HAPLN4: variants seen among roughly 807,000 people sequenced by gnomAD.
The protein encoded by HAPLN4 is hyaluronan and proteoglycan link protein 4.
Under a neutral mutation model 28.0 loss-of-function variants are expected in HAPLN4, and 19 were observed. That is an observed-to-expected ratio of 0.68 (90% confidence interval 0.47 to 1.00). HAPLN4 has a LOEUF of 1.00. Ranked by LOEUF, HAPLN4 falls within the 50% of genes least tolerant of loss-of-function variation. HAPLN4 has a pLI of 0.00. For missense variants in HAPLN4, 587 were observed against 602.6 expected (o/e 0.97, Z 0.27); for synonymous variants, 274 against 273.0 (o/e 1.00, Z -0.03).
chr19:19,260,193 A>G (rs2060978398), intron 3 of HAPLN4, among the ~76,000 whole-genome samples: 3 of 152,144 alleles, frequency 2.0e-5, no homozygotes, highest in South Asian at 4.2e-4. Context: ...GGACTGGATC[A>G]CTTTTATTTT....
At chr19:19,260,713 T>G in intron 3 of HAPLN4, 100 bp downstream of exon 3, 5 of 1,460,552 alleles carry the variant, frequency 3.4e-6, no homozygotes, top group Non-Finnish European at 4.7e-6. Context: ...ACCAACCTTC[T>G]AAATGCCTGC....
At chr19:19,262,668 G>C in intron 1 of HAPLN4, 62 bp downstream of exon 1, 3 of 1,570,590 alleles carry the variant, frequency 1.9e-6, no homozygotes, top group Non-Finnish European at 2.6e-6. Flanking sequence ...GAGGCAGAGA[G>C]ATATAGAATC....
In HAPLN4 at chr19:19,256,290, G is replaced by A. The variant is rs1374821632; in HGVS notation, c.*1527C>T. The A allele has an allele frequency of 2.0e-5, 3 of 152,416 alleles. No individual in the cohort carries two copies. Among genetic ancestry groups the A allele is most frequent in the Admixed American group, 6.5e-5 (1 of 15,284 alleles). The allele number at this position is 152,416 out of a possible 1,614,324, so 9.4% of individuals were successfully genotyped here. A position where few individuals can be genotyped will look rare whatever the true frequency, so the allele number is the denominator to read the frequency against. ...AGCTGCTATCCGGCATAGAGTTAAC[G>A]TGCAAACGGAGGGTGGCTTAGCAGC... On this transcript the variant is annotated 3_prime_UTR_variant, in exon 5 of 5. Coordinates refer to ENST00000291481, the MANE Select transcript of HAPLN4 (RefSeq NM_023002.3).
intron 1 of HAPLN4, among the ~76,000 whole-genome samples, 162 bp downstream of exon 1, chr19:19,262,568 G>C (rs1422464242): frequency 1.3e-5 from 2 of 152,074 alleles, no homozygotes; most frequent in Admixed American, 1.3e-4. Flanking sequence ...TGGAGAGGGA[G>C]AGAACCTAGA....
Position 19,255,699 on chromosome 19 carries a change from T to A in HAPLN4, c.*2118A>T, listed in dbSNP as rs2146567639. On this transcript the variant is annotated 3_prime_UTR_variant, in exon 5 of 5. Transcript: ENST00000291481. ...TGAGCCCCTACTGTATGCTTGGCAC[T>A]CACGGGGACCACAGAACAGCCCTGG... is the stretch of plus-strand genomic sequence containing the variant. 1 of 152,358 alleles carries A rather than the reference T, an allele frequency of 6.6e-6. No homozygotes were observed. Among genetic ancestry groups the A allele is most frequent in the Middle Eastern group, 3.4e-3 (1 of 294 alleles). The allele number at this position is 152,358 out of a possible 1,614,324, so 9.4% of individuals were successfully genotyped here.
In HAPLN4 at chr19:19,261,042, C is replaced by A. The variant is rs1374773629; in HGVS notation, c.255G>T (p.Lys85Asn). The A allele has an allele frequency of 7.4e-6, 12 of 1,613,366 alleles. No individual in the cohort carries two copies. Among genetic ancestry groups the A allele is most frequent in the Non-Finnish European group, 1.0e-5 (12 of 1,180,020 alleles). ...CCAGCGGGTCCACCACCTTTGTCCA[C>A]TTGAGCCGGACGCCGTCGTGACCGT... ...AAHGHDGVRL[K>N]WTKVVDPLAF... Residue 85 changes from lysine (K) to asparagine (N), a missense_variant, in exon 3 of 5, where the codon AAG (lysine) becomes AAT (asparagine). By Grantham distance (94) the Lys-to-Asn change is moderately conservative. Coordinates refer to ENST00000291481, the MANE Select transcript of HAPLN4 (RefSeq NM_023002.3).
In HAPLN4 at chr19:19,258,317, C is replaced by G. The variant is rs973050150; in HGVS notation, c.818-109G>C. 1.6e-6 allele frequency: 2 copies of G among 1,264,780 alleles called. No individual in the cohort carries two copies. Among genetic ancestry groups the G allele is most frequent in the Non-Finnish European group, 1.1e-6 (1 of 941,846 alleles). 78.3% of individuals were successfully genotyped at this position (1,264,780 alleles called of 1,614,324 possible). A position where few individuals can be genotyped will look rare whatever the true frequency, so the allele number is the denominator to read the frequency against. Reference sequence around the variant, plus strand: ...CAGCCTAGGACTCTGGCCTCGGCCCCGGGATCCAGGAACAGTTCCTCCTTT... The same window carrying G: ...CAGCCTAGGACTCTGGCCTCGGCCCGGGGATCCAGGAACAGTTCCTCCTTT... On this transcript the variant is annotated intron_variant, in intron 4 of 4. Coordinates refer to ENST00000291481, the MANE Select transcript of HAPLN4 (RefSeq NM_023002.3). The surrounding 1 kb of genome is among the most constrained non-coding windows in gnomAD (Gnocchi z 6.2).
rs1442734848 is a variant in HAPLN4 at position 19,258,718 on chromosome 19, A to G, written c.622T>C (p.Trp208Arg). The G allele has an allele frequency of 6.2e-7, 1 of 1,605,154 alleles. No homozygotes were observed. Residue 208 changes from tryptophan to arginine, a missense_variant, in exon 4 of 5, where the codon TGG becomes CGG. By Grantham distance (101) the Trp-to-Arg change is moderately radical. Transcript: ENST00000291481. The surrounding 1 kb of genome is among the most constrained non-coding windows in gnomAD (Gnocchi z 6.2). Reference sequence around the variant, plus strand: ...TCGCGCAACCAGCCCGCGTTGCACCAGTCCAGGCCGTCGCGCCAGGCCGCG... The same window carrying G: ...TCGCGCAACCAGCCCGCGTTGCACCGGTCCAGGCCGTCGCGCCAGGCCGCG... ...LHAAWRDGLDWCNAGWLRDGS... is the reference protein window; with the variant it reads ...LHAAWRDGLDRCNAGWLRDGS...
intron 3 of HAPLN4, among the ~76,000 whole-genome samples, chr19:19,260,470 A>G (rs2060979210): frequency 1.3e-5 from 2 of 151,740 alleles, no homozygotes; most frequent in Middle Eastern, 3.4e-3. Flanking sequence ...GCCTGCCTCA[A>G]CCTCCCAAAG....
rs759131539 is a variant in HAPLN4 at position 19,261,160 on chromosome 19, G to A, written c.137C>T (p.Ser46Leu). ...CCCAGGCGCTGTCTGTACCACTACC[G>A]AGCCCGACTCACCCTCTGAGGACAA... Reference protein sequence around the residue: ...VVHVLEGESGSVVVQTAPGQV... With the variant: ...VVHVLEGESGLVVVQTAPGQV... The change falls in exon 3 of 5, where the codon TCG becomes TTG. Residue 46 changes from serine to leucine, a missense_variant. By Grantham distance (145) the Ser-to-Leu change is moderately radical. Transcript: ENST00000291481. 41 of 1,598,202 alleles carry A rather than the reference G, an allele frequency of 2.6e-5. No homozygotes were observed. Among genetic ancestry groups the A allele is most frequent in the Non-Finnish European group, 1.1e-5 (13 of 1,169,698 alleles).
rs898194524 is a variant in HAPLN4 at position 19,261,367 on chromosome 19, G to T, written c.121+79C>A. 1.2e-5 allele frequency: 16 copies of T among 1,368,720 alleles called. No homozygotes were observed. In the Admixed American group the frequency reaches 1.2e-4, roughly 10 times the overall value. 84.8% of individuals were successfully genotyped at this position (1,368,720 alleles called of 1,614,324 possible). The stretch of plus-strand genomic sequence containing the variant: ...TGGGGGAACCGCGGACGTCAGGAAC[G>T]CCCTACCCGCTACCCCTCTCCGCAC... On this transcript the variant is annotated intron_variant, in intron 2 of 4. Transcript: ENST00000291481.
chr19:19,258,779 C>T lies in HAPLN4; in HGVS notation c.561G>A (p.Glu187=), dbSNP rs1555786063. 2 of 1,603,294 alleles carry T rather than the reference C, an allele frequency of 1.2e-6. No homozygotes were observed. The part of the protein sequence containing the change: ...TFAEAQRACA[E]QDGILASAEQ... The stretch of plus-strand genomic sequence containing the variant: ...CTGCAGATGCCAGGATGCCGTCCTG[C>T]TCGGCGCACGCGCGCTGCGCCTCCG... The change falls in exon 4 of 5, where the codon GAG becomes GAA. Residue 187 remains glutamate, a synonymous_variant. Coordinates refer to ENST00000291481, the MANE Select transcript of HAPLN4 (RefSeq NM_023002.3). The surrounding 1 kb of genome is among the most constrained non-coding windows in gnomAD (Gnocchi z 6.2).
chr19:19,259,202 C>T (rs2060976208), intron 3 of HAPLN4, among the ~76,000 whole-genome samples: 1 of 152,150 alleles, frequency 6.6e-6, no homozygotes, highest in African/African-American at 2.4e-5. Flanking sequence ...TCCTGTGTGC[C>T]TCTGACATTC....
chr19:19,262,005 C>T (rs969288475), intron 1 of HAPLN4, among the ~76,000 whole-genome samples: 1 of 150,790 alleles, frequency 6.6e-6, no homozygotes, highest in African/African-American at 2.4e-5. Flanking sequence ...GGGGAGAGAA[C>T]AGGGACAGAG....
rs2060963282 is a variant in HAPLN4 at position 19,255,648 on chromosome 19, A to T, written c.*2169T>A. 6.6e-6 allele frequency: 1 copy of T among 152,220 alleles called. No homozygotes were observed. The highest frequency in any genetic ancestry group is 1.5e-5 in the Non-Finnish European group (1 of 68,062). 9.4% of individuals were successfully genotyped at this position (152,220 alleles called of 1,614,324 possible). On this transcript the variant is annotated 3_prime_UTR_variant, in exon 5 of 5. Coordinates refer to ENST00000291481, the MANE Select transcript of HAPLN4 (RefSeq NM_023002.3). Reference sequence around the variant, plus strand: ...TACCCACTGGCTGCCTCATTTTCTCATTCATCAAAAGAAACAAGGATTTAT... The same window carrying T: ...TACCCACTGGCTGCCTCATTTTCTCTTTCATCAAAAGAAACAAGGATTTAT...
Position 19,262,779 on chromosome 19 carries a change from C to A in HAPLN4, c.-47G>T, listed in dbSNP as rs1417420228. 1 of 1,599,858 alleles carries A rather than the reference C, an allele frequency of 6.3e-7. No individual in the cohort carries two copies. Among genetic ancestry groups the A allele is most frequent in the South Asian group, 1.1e-5 (1 of 89,438 alleles). ...GAGCGGCCCCTACGCACCCGGACTG[C>A]GCTCCCCGCACACCCGGTTAAGACT... On this transcript the variant is annotated 5_prime_UTR_variant, in exon 1 of 5. Coordinates refer to ENST00000291481, the MANE Select transcript of HAPLN4 (RefSeq NM_023002.3).
chr19:19,262,705 C>G (rs769364055), intron 1 of HAPLN4, 25 bp downstream of exon 1: 14 of 1,612,162 alleles, frequency 8.7e-6, no homozygotes, highest in Non-Finnish European at 1.2e-5. Flanking sequence ...GGGCACACAC[C>G]ACCCGCGCCC....
intron 1 of HAPLN4, among the ~76,000 whole-genome samples, chr19:19,261,855 G>C (rs1228341081): frequency 6.6e-6 from 1 of 152,058 alleles, no homozygotes; most frequent in Admixed American, 6.5e-5. Flanking sequence ...TTCTGGCCCT[G>C]GCCCGGGCCG....
At position 19,260,255 on chromosome 19, in the gene HAPLN4, C is replaced by T. The variant is rs547618583; in HGVS notation, c.484+558G>A. On this transcript the variant is annotated intron_variant, in intron 3 of 4. Transcript: ENST00000291481. Reference sequence around the variant, plus strand: ...TTTTTGAGATGGAGTCTCGCTCTGTCGCCCAGGCTGGAGTGCAGTGGCACG... The same window carrying T: ...TTTTTGAGATGGAGTCTCGCTCTGTTGCCCAGGCTGGAGTGCAGTGGCACG... Among the ~76,000 whole-genome samples the T allele has an allele frequency of 3.5e-4, 53 of 152,200 alleles. 1 individual carries two copies. The highest frequency in any genetic ancestry group is 1.1e-3 in the African/African-American group (44 of 41,522).
Sources: gnomAD v4.1 joint callset for allele counts (sites outside exome capture counted in the v4.1 genomes callset) on GRCh38, gnomAD v4.1.1 for gene constraint, Gnocchi (gnomAD v3.1) non-coding constraint, MANE v1.5 for transcripts, NCBI Gene and HGNC (gene_info 2026-07-23, HGNC 2026-07-21) for gene names.